The following SLC60A1 variants were observed in gnomAD, a reference collection of about 807,000 sequenced individuals.
SLC60A1 encodes major facilitator superfamily domain containing 4.
chr1:205,588,910 G>GGT, the SLC60A1 span, among the ~76,000 whole-genome samples: 64 of 152,252 alleles, frequency 4.2e-4, no homozygotes, highest in Middle Eastern at 3.4e-3. Context: ...GGAGGGTGAG[G>GGT]GTGTAGGCAG....
chr1:205,575,463 G>A, the SLC60A1 span, among the ~76,000 whole-genome samples: 18 of 152,250 alleles, frequency 1.2e-4, no homozygotes, highest in African/African-American at 4.3e-4. Flanking sequence ...GCAGGAATGG[G>A]CTGCCTGGCA....
At chr1:205,569,489 T>TCCCC in the SLC60A1 span, among the ~76,000 whole-genome samples, 3 of 65,688 alleles carry the variant, frequency 4.6e-5, no homozygotes, top group East Asian at 1.5e-3. Flanking sequence ...CCTCCCTCCC[T>TCCCC]CCCTCCCCCG....
the SLC60A1 span, among the ~76,000 whole-genome samples, chr1:205,585,845 T>C: frequency 6.6e-6 from 1 of 152,248 alleles, no homozygotes; most frequent in Non-Finnish European, 1.5e-5. This position sits in a 1 kb window ranked among gnomAD's most constrained non-coding sequence, Gnocchi z 4.2. Context: ...CCCCAGCTTC[T>C]GTCCTCAGCT....
At chr1:205,583,778 C>A in the SLC60A1 span, among the ~76,000 whole-genome samples, 2 of 152,244 alleles carry the variant, frequency 1.3e-5, no homozygotes, top group Non-Finnish European at 2.9e-5. Context: ...CCTCCCCACT[C>A]CTACCTTGGT....
the SLC60A1 span, among the ~76,000 whole-genome samples, chr1:205,569,830 G>A: frequency 2.6e-5 from 4 of 152,140 alleles, no homozygotes; most frequent in African/African-American, 9.7e-5. Context: ...ACTGTAGGCA[G>A]CTCCACATCA....
the SLC60A1 span, among the ~76,000 whole-genome samples, chr1:205,573,912 C>A: frequency 1.3e-5 from 2 of 151,682 alleles, no homozygotes; most frequent in South Asian, 4.2e-4. Context: ...GGCCAGGCTG[C>A]CCTCGAACTC....
chr1:205,569,397 C>CGCCCCCGTGGG, the SLC60A1 span: 4 of 872,754 alleles, frequency 4.6e-6, no homozygotes, highest in African/African-American at 7.1e-5. Context: ...GCCTCTCCCC[C>CGCCCCCGTGGG]GGCCCCGTGG....
the SLC60A1 span, among the ~76,000 whole-genome samples, chr1:205,574,861 G>A: frequency 2.0e-5 from 3 of 152,176 alleles, no homozygotes; most frequent in Admixed American, 6.5e-5. Context: ...TCATGCACAA[G>A]TTGCAGCTCC....
At chr1:205,590,192 C>A in the SLC60A1 span, among the ~76,000 whole-genome samples, 2 of 152,128 alleles carry the variant, frequency 1.3e-5, no homozygotes, top group Admixed American at 6.6e-5. Context: ...AGCATGCCTG[C>A]TGTAGAGGCA....
At chr1:205,582,322 C>T in the SLC60A1 span, among the ~76,000 whole-genome samples, 8 of 152,182 alleles carry the variant, frequency 5.3e-5, no homozygotes, top group African/African-American at 9.7e-5. Context: ...GCAGGATTTC[C>T]GGACTTTTTC....
At chr1:205,600,692 G>C in the SLC60A1 span, 1 of 524,044 alleles carries the variant, frequency 1.9e-6, no homozygotes, top group African/African-American at 1.9e-5. Flanking sequence ...CAGACTGTTG[G>C]TAAGAGCTGT....
the SLC60A1 span, chr1:205,599,170 G>A: frequency 6.2e-7 from 1 of 1,614,038 alleles, no homozygotes; most frequent in Non-Finnish European, 8.5e-7. Context: ...CCTGGTCTGT[G>A]GCGTGATCTT....
the SLC60A1 span, chr1:205,584,221 T>TA: frequency 3.4e-5 from 34 of 993,120 alleles, no homozygotes; most frequent in Admixed American, 4.1e-4. Context: ...ACAGGTGATT[T>TA]TTTTTTTTTT....
the SLC60A1 span, among the ~76,000 whole-genome samples, chr1:205,592,778 C>T: frequency 1.6e-4 from 24 of 147,656 alleles, no homozygotes; most frequent in African/African-American, 5.2e-4. Context: ...TTTTTCCATC[C>T]GCTTTGTCCC....
the SLC60A1 span, among the ~76,000 whole-genome samples, chr1:205,569,793 C>A: frequency 6.6e-6 from 1 of 152,092 alleles, no homozygotes. Flanking sequence ...TGGCCTGCGG[C>A]TTGACTGATT....
At chr1:205,575,168 CCTT>C in the SLC60A1 span, among the ~76,000 whole-genome samples, 1 of 152,184 alleles carries the variant, frequency 6.6e-6, no homozygotes, top group Non-Finnish European at 1.5e-5. Context: ...CAAACCATCT[CCTT>C]CTGGGCTGCT....
chr1:205,570,623 A>C, the SLC60A1 span, among the ~76,000 whole-genome samples: 1 of 152,320 alleles, frequency 6.6e-6, no homozygotes, highest in Admixed American at 6.5e-5. Context: ...CTTGTAAACC[A>C]AATTATTCTC....
At chr1:205,586,997 G>A in the SLC60A1 span, among the ~76,000 whole-genome samples, 4 of 152,034 alleles carry the variant, frequency 2.6e-5, no homozygotes, top group East Asian at 1.9e-4. Flanking sequence ...TCTGCCTAGC[G>A]CTAGGTGATT....
At chr1:205,588,776 GTATGTTTGTGC>G in the SLC60A1 span, among the ~76,000 whole-genome samples, 1 of 152,196 alleles carries the variant, frequency 6.6e-6, no homozygotes. Context: ...TCCTGACTTA[GTATGTTTGTGC>G]TATGTGCAAA....
Sources: allele counts gnomAD v4.1 joint callset (sites outside exome capture counted in the v4.1 genomes callset), GRCh38; gene constraint gnomAD v4.1.1; non-coding constraint Gnocchi (gnomAD v3.1); transcripts MANE v1.5; gene names NCBI Gene and HGNC (gene_info 2026-07-23, HGNC 2026-07-21).